AFG1L: variants seen among roughly 807,000 people sequenced by gnomAD.
AFG1L encodes AFG1-like ATPase.
Under a neutral mutation model 62.2 loss-of-function variants are expected in AFG1L, and 53 were observed. The observed-to-expected ratio is 0.85, with a 90% CI of 0.68 to 1.07. The LOEUF (loss-of-function observed/expected upper bound fraction) is 1.07. Ranked by LOEUF, AFG1L falls within the 50% of genes least tolerant of loss-of-function variation. AFG1L has a pLI of 0.00. For missense variants in AFG1L, 555 were observed against 590.5 expected (o/e 0.94, Z 0.62); for synonymous variants, 228 against 210.3 (o/e 1.08, Z -0.73).
chr6:108,323,953 G>C lies in AFG1L; in HGVS notation c.268G>C (p.Asp90His). 1 of 1,614,138 alleles carries C rather than the reference G, an allele frequency of 6.2e-7. No homozygotes were observed. The highest frequency in any genetic ancestry group is 1.7e-5 in the Admixed American group (1 of 60,026). Residue 90 changes from aspartate (D) to histidine (H), a missense_variant, in exon 2 of 13, where the codon GAT becomes CAT. Physicochemically the swap from Asp to His is moderately conservative, Grantham distance 81. Transcript: ENST00000368977. ...DFLIKAHELK[D>H]DEHQRRVIQC... ...TCTGATCAAAGCTCATGAGCTAAAG[G>C]ATGATGAACATCAAAGAAGAGTCAT...
At chr6:108,303,436 C>A (rs573635278) in intron 1 of AFG1L, among the ~76,000 whole-genome samples, 8 of 152,160 alleles carry the variant, frequency 5.3e-5, no homozygotes, top group Non-Finnish European at 1.0e-4. Flanking sequence ...CTCCTAAAAG[C>A]GTTATGGATG....
chr6:108,432,211 G>A (rs1771106739), intron 7 of AFG1L, among the ~76,000 whole-genome samples: 1 of 152,062 alleles, frequency 6.6e-6, no homozygotes, highest in African/African-American at 2.4e-5. Context: ...AAACCCAACT[G>A]TATAACTTAC....
intron 7 of AFG1L, among the ~76,000 whole-genome samples, chr6:108,410,517 G>A (rs2114656353): frequency 6.6e-6 from 1 of 152,032 alleles, no homozygotes; most frequent in Non-Finnish European, 1.5e-5. Context: ...GGTCAGCTAG[G>A]CTGTCATGTA....
At chr6:108,401,204 G>A (rs1240394395) in intron 6 of AFG1L, among the ~76,000 whole-genome samples, 2 of 148,506 alleles carry the variant, frequency 1.3e-5, no homozygotes, top group Non-Finnish European at 3.0e-5. Context: ...CTGCAGTGGC[G>A]CAATCTCGGC....
chr6:108,359,263 A>T (rs1419304654), intron 5 of AFG1L: 5 of 152,144 alleles, frequency 3.3e-5, no homozygotes, highest in Non-Finnish European at 7.3e-5. Flanking sequence ...TTGGGTTTAG[A>T]TTTCGAAAGG....
chr6:108,328,412 T>C (rs981848981), intron 2 of AFG1L, among the ~76,000 whole-genome samples: 6 of 152,186 alleles, frequency 3.9e-5, no homozygotes, highest in Admixed American at 3.9e-4. Flanking sequence ...TTGTTTTGTT[T>C]TGAGACAGGG....
chr6:108,344,410 G>A (rs1409816564), intron 2 of AFG1L, among the ~76,000 whole-genome samples: 20 of 152,080 alleles, frequency 1.3e-4, no homozygotes, highest in Admixed American at 1.2e-3. Flanking sequence ...ATCGCGCCCA[G>A]CCTACAGGAT....
At chr6:108,464,777 C>T (rs12202559) in intron 8 of AFG1L, among the ~76,000 whole-genome samples, 4 of 131,466 alleles carry the variant, frequency 3.0e-5, no homozygotes, top group African/African-American at 1.0e-4. Context: ...CCTCAAAAAA[C>T]AAAAAACAAA....
chr6:108,316,359 C>A (rs1189649654), intron 1 of AFG1L, among the ~76,000 whole-genome samples: 5 of 91,040 alleles, frequency 5.5e-5, no homozygotes, highest in African/African-American at 2.3e-4. Flanking sequence ...CCAGCCTGGG[C>A]GACAGAGCGA....
chr6:108,415,674 G>T (rs879669519), intron 7 of AFG1L, among the ~76,000 whole-genome samples: 38 of 152,152 alleles, frequency 2.5e-4, no homozygotes, highest in Non-Finnish European at 4.7e-4. Context: ...ATGGGGAAAG[G>T]TTTCCCTATT....
intron 2 of AFG1L, among the ~76,000 whole-genome samples, chr6:108,324,418 C>G (rs1315840897): frequency 6.6e-6 from 1 of 152,170 alleles, no homozygotes; most frequent in Non-Finnish European, 1.5e-5. Context: ...CCTGACATCT[C>G]TAGGGTCAGA....
chr6:108,412,455 C>T (rs1782161129), intron 7 of AFG1L, among the ~76,000 whole-genome samples: 1 of 152,120 alleles, frequency 6.6e-6, no homozygotes, highest in Non-Finnish European at 1.5e-5. Context: ...CTCCAAGACA[C>T]GTAATTGTCA....
Position 108,445,652 on chromosome 6 carries a change from GAGAGAGAGAGAGAGA to G in AFG1L, c.808-1561_808-1547del, listed in dbSNP as rs1771747817. On this transcript the variant is annotated intron_variant, in intron 7 of 12. Coordinates refer to ENST00000368977, the MANE Select transcript of AFG1L (RefSeq NM_145315.5). ...CTAAGGTGAGAGAGAGAGAGAGAGA[GAGAGAGAGAGAGAGA>G]GAGAGAGAGAGAGAAACAGCCAGTT... Among the ~76,000 whole-genome samples, 3 of 147,964 alleles carry G rather than the reference GAGAGAGAGAGAGAGA, an allele frequency of 2.0e-5. No homozygotes were observed. The South Asian group carries it at 6.5e-4, about 32-fold the overall frequency.
chr6:108,390,429 AG>A (rs915298525), intron 6 of AFG1L, among the ~76,000 whole-genome samples: 1 of 152,078 alleles, frequency 6.6e-6, no homozygotes, highest in African/African-American at 2.4e-5. Flanking sequence ...GTTCCTTTGG[AG>A]GGGGAGAGGT....
At chr6:108,374,448 T>A (rs889973761) in intron 6 of AFG1L, among the ~76,000 whole-genome samples, 1 of 152,228 alleles carries the variant, frequency 6.6e-6, no homozygotes, top group Non-Finnish European at 1.5e-5. Context: ...TAGATTTTCA[T>A]CTAGGATTCT....
At chr6:108,518,203 C>T (rs375954314) in intron 11 of AFG1L, among the ~76,000 whole-genome samples, 8 of 152,098 alleles carry the variant, frequency 5.3e-5, no homozygotes, top group Non-Finnish European at 7.4e-5. Context: ...CACATGCACA[C>T]GTATGTTTAT....
chr6:108,364,061 C>G (rs777706534), intron 5 of AFG1L, among the ~76,000 whole-genome samples: 4 of 152,136 alleles, frequency 2.6e-5, no homozygotes, highest in Non-Finnish European at 4.4e-5. Flanking sequence ...AATGAAATGT[C>G]TCCACTCTCT....
chr6:108,423,792 CACTA>C (rs557557045), intron 7 of AFG1L, among the ~76,000 whole-genome samples: 329 of 152,064 alleles, frequency 2.2e-3, no homozygotes, highest in African/African-American at 7.4e-3. Context: ...ACAATTTGAA[CACTA>C]ACTACTGATA....
chr6:108,401,182 C>CCGGACTG (rs1781590538), intron 6 of AFG1L, among the ~76,000 whole-genome samples: 1 of 144,500 alleles, frequency 6.9e-6, no homozygotes, highest in African/African-American at 2.6e-5. Context: ...GTCGCCCAGG[C>CCGGACTG]CGGACTGCGG....
Sources: gnomAD v4.1 joint callset for allele counts (sites outside exome capture counted in the v4.1 genomes callset) on GRCh38, gnomAD v4.1.1 for gene constraint, MANE v1.5 for transcripts, NCBI Gene and HGNC (gene_info 2026-07-23, HGNC 2026-07-21) for gene names.